GRIP1: variants seen among roughly 807,000 people sequenced by gnomAD.
GRIP1 encodes the protein glutamate receptor-interacting protein 1.
A neutral mutation model predicts 129.9 loss-of-function variants in GRIP1; 45 were observed. That is an observed-to-expected ratio of 0.35 (90% confidence interval 0.27 to 0.44). The LOEUF (loss-of-function observed/expected upper bound fraction) is 0.44, where lower values mean the gene tolerates loss of function less well. Among genes scored for constraint, GRIP1 ranks in the 20% least tolerant of loss-of-function variants. The pLI, the probability that GRIP1 is intolerant of heterozygous loss-of-function variation, is 1.00. For missense variants in GRIP1, 1,196 were observed against 1,396.8 expected (o/e 0.86, Z 2.29); for synonymous variants, 530 against 520.8 (o/e 1.02, Z -0.24).
At chr12:66,393,460 C>T (rs547569559) in intron 17 of GRIP1, among the ~76,000 whole-genome samples, 1 of 152,240 alleles carries the variant, frequency 6.6e-6, no homozygotes, top group East Asian at 1.9e-4. Flanking sequence ...GTGTGAGCCA[C>T]CGCACCTGGC....
At chr12:66,445,250 A>G in intron 12 of GRIP1, 72 bp downstream of exon 12, 5 of 1,152,450 alleles carry the variant, frequency 4.3e-6, no homozygotes, top group Non-Finnish European at 6.6e-6. Context: ...TTCATAATTT[A>G]CTAGCCATTC....
intron 1 of GRIP1, among the ~76,000 whole-genome samples, chr12:67,043,914 A>C (rs2043215808): frequency 6.6e-6 from 1 of 152,124 alleles, no homozygotes; most frequent in African/African-American, 2.4e-5. Context: ...AATTTCAAAC[A>C]GTGAATAGAT....
chr12:66,828,722 C>T (rs564203813), intron 1 of GRIP1, among the ~76,000 whole-genome samples: 3 of 152,294 alleles, frequency 2.0e-5, no homozygotes, highest in East Asian at 1.9e-4. Flanking sequence ...CTTGGTCAGG[C>T]GAGGAGGCCT....
intron 1 of GRIP1, among the ~76,000 whole-genome samples, chr12:66,608,564 C>T (rs1051923154): frequency 1.4e-4 from 21 of 152,114 alleles, no homozygotes; most frequent in Non-Finnish European, 2.9e-5. Context: ...AACTCCTGAC[C>T]TCAGTGATCA....
chr12:66,758,130 T>C (rs1413318224), intron 1 of GRIP1, among the ~76,000 whole-genome samples: 2 of 152,206 alleles, frequency 1.3e-5, no homozygotes, highest in Non-Finnish European at 2.9e-5. Flanking sequence ...TTAGTTCGTT[T>C]TCATGCTGGT....
intron 5 of GRIP1, among the ~76,000 whole-genome samples, chr12:66,521,233 C>T (rs1299989649): frequency 6.6e-6 from 1 of 152,144 alleles, no homozygotes; most frequent in Admixed American, 6.5e-5. Flanking sequence ...TACTTCTTTC[C>T]ATGCTGACAT....
intron 23 of GRIP1, among the ~76,000 whole-genome samples, chr12:66,353,783 C>T (rs1476987066): frequency 1.3e-5 from 2 of 152,186 alleles, no homozygotes; most frequent in Non-Finnish European, 2.9e-5. Flanking sequence ...AGGAGGAGAA[C>T]TGGAACGTCT....
intron 13 of GRIP1, among the ~76,000 whole-genome samples, chr12:66,442,501 A>G (rs1592877067): frequency 6.6e-6 from 1 of 152,260 alleles, no homozygotes; most frequent in East Asian, 1.9e-4. Context: ...TCCTCAGAGC[A>G]CTTATTCTCT....
At chr12:66,752,650 A>T (rs1016946829) in intron 1 of GRIP1, among the ~76,000 whole-genome samples, 60 of 152,258 alleles carry the variant, frequency 3.9e-4, no homozygotes, top group Non-Finnish European at 4.7e-4. Flanking sequence ...TAGCTACAGT[A>T]CCATGGGCCA....
chr12:66,867,635 T>C (rs2040228764), intron 1 of GRIP1, among the ~76,000 whole-genome samples: 1 of 152,212 alleles, frequency 6.6e-6, no homozygotes, highest in South Asian at 2.1e-4. Flanking sequence ...AACAAAATTA[T>C]TAAATACCAT....
At chr12:66,964,712 T>C (rs944251749) in intron 1 of GRIP1, among the ~76,000 whole-genome samples, 7 of 152,176 alleles carry the variant, frequency 4.6e-5, no homozygotes, top group African/African-American at 1.4e-4. Context: ...TGATAGGTAT[T>C]TGTATGAGTT....
intron 1 of GRIP1, among the ~76,000 whole-genome samples, chr12:67,011,048 A>G (rs1336921045): frequency 3.3e-5 from 5 of 152,102 alleles, no homozygotes; most frequent in Non-Finnish European, 7.4e-5. Flanking sequence ...AATTATACCT[A>G]CTACCCATAT....
intron 1 of GRIP1, among the ~76,000 whole-genome samples, chr12:66,941,700 T>C (rs1206524308): frequency 6.6e-6 from 1 of 152,178 alleles, no homozygotes; most frequent in African/African-American, 2.4e-5. Context: ...TTTCATTTCA[T>C]ACCACCCCTG....
chr12:66,977,722 T>C (rs560076987), intron 1 of GRIP1, among the ~76,000 whole-genome samples: 4 of 151,304 alleles, frequency 2.6e-5, no homozygotes, highest in Non-Finnish European at 4.4e-5. Context: ...GTAAGAATAA[T>C]AGCCAATGTA....
intron 2 of GRIP1, among the ~76,000 whole-genome samples, chr12:66,563,132 G>A (rs146141079): frequency 2.5e-4 from 38 of 151,722 alleles, no homozygotes; most frequent in Middle Eastern, 3.4e-3. Context: ...ATGTATGTGT[G>A]TATGTATACA....
At chr12:66,370,787 A>C (rs903543296) in intron 23 of GRIP1, among the ~76,000 whole-genome samples, 2 of 152,192 alleles carry the variant, frequency 1.3e-5, no homozygotes, top group African/African-American at 4.8e-5. Context: ...GCCTTGGCTA[A>C]CCCTGCCAGC....
chr12:66,940,551 A>G (rs899086931), intron 1 of GRIP1, among the ~76,000 whole-genome samples: 5 of 152,256 alleles, frequency 3.3e-5, no homozygotes, highest in Middle Eastern at 3.4e-3. Flanking sequence ...ATCATATACT[A>G]TGTATTAAAA....
chr12:66,989,734 T>C (rs1566108128), intron 1 of GRIP1, among the ~76,000 whole-genome samples: 1 of 152,082 alleles, frequency 6.6e-6, no homozygotes, highest in East Asian at 1.9e-4. Flanking sequence ...GGAAGAAAAA[T>C]AATGGAAGAT....
chr12:66,723,118 G>GA (rs1203970547), intron 1 of GRIP1, among the ~76,000 whole-genome samples: 125 of 133,000 alleles, frequency 9.4e-4, no homozygotes, highest in South Asian at 7.1e-3. Context: ...ATATTTTTTG[G>GA]AAAAAAAAAA....
Sources: allele counts gnomAD v4.1 joint callset (sites outside exome capture counted in the v4.1 genomes callset), GRCh38; gene constraint gnomAD v4.1.1; transcripts MANE v1.5; gene names NCBI Gene and HGNC (gene_info 2026-07-23, HGNC 2026-07-21).